Variants in SNTG2 observed in about 807,000 individuals in gnomAD.
SNTG2 encodes the protein syntrophin gamma 2.
In SNTG2, 74 loss-of-function variants were observed where a neutral mutation model predicts 70.9. The ratio of observed to expected loss-of-function variants is 1.04; its 90% CI spans 0.86 to 1.27. The LOEUF is 1.27. Ranked by LOEUF, SNTG2 falls within the 50% of genes most tolerant of loss-of-function variation. The probability of loss-of-function intolerance (pLI) is 0.00; values close to 1 mark genes in which losing one functional copy is unlikely to be tolerated. For missense variants in SNTG2, 717 were observed against 690.7 expected (o/e 1.04, Z -0.43); for synonymous variants, 278 against 273.8 (o/e 1.02, Z -0.15).
intron 15 of SNTG2, among the ~76,000 whole-genome samples, chr2:1,315,116 G>A (rs1572969308): frequency 6.6e-6 from 1 of 152,226 alleles, no homozygotes. Flanking sequence ...GTCTGTCCAG[G>A]TGGGTGTGGG....
chr2:1,033,414 A>C (rs1487486984), intron 1 of SNTG2, among the ~76,000 whole-genome samples: 1 of 152,214 alleles, frequency 6.6e-6, no homozygotes, highest in Non-Finnish European at 1.5e-5. Flanking sequence ...AACTCCACAA[A>C]TGCCTGTCCC....
intron 6 of SNTG2, among the ~76,000 whole-genome samples, chr2:1,145,420 AT>A (rs1386649772): frequency 1.3e-5 from 2 of 152,206 alleles, no homozygotes; most frequent in Non-Finnish European, 2.9e-5. Context: ...TCCTATGGAC[AT>A]GACATACACC....
intron 1 of SNTG2, among the ~76,000 whole-genome samples, chr2:1,010,929 A>T (rs1021162719): frequency 2.0e-5 from 3 of 152,218 alleles, no homozygotes; most frequent in African/African-American, 7.2e-5. Flanking sequence ...GAAAATAGAA[A>T]AGTGGAACTG....
rs1675142187 is a variant in SNTG2, at chr2:1,222,065, T to TTCTGTCTCTGTCTCTATCTCTGTC, written c.719+12838_719+12839insGTCTCTGTCTCTATCTCTGTCTCT. Among the ~76,000 whole-genome samples, 6 of 1,828 alleles carry TTCTGTCTCTGTCTCTATCTCTGTC rather than the reference T, an allele frequency of 3.3e-3. 2 individuals carry two copies. Among genetic ancestry groups the TTCTGTCTCTGTCTCTATCTCTGTC allele is most frequent in the African/African-American group, 7.2e-3 (4 of 556 alleles). 1.2% of individuals were successfully genotyped at this position (1,828 alleles called of 152,430 possible). ...TCTCTCTGTCTCTCTCTGTCTCTGT[T>TTCTGTCTCTGTCTCTATCTCTGTC]TCTCTCTGTCTCTGTCTCTGTCTCT... On this transcript the variant is annotated intron_variant, in intron 9 of 16. Coordinates refer to ENST00000308624, the MANE Select transcript of SNTG2 (RefSeq NM_018968.4).
chr2:1,114,450 A>G (rs1045201384), intron 4 of SNTG2, among the ~76,000 whole-genome samples: 7 of 151,908 alleles, frequency 4.6e-5, no homozygotes, highest in African/African-American at 1.7e-4. Context: ...TCCTTTAAGG[A>G]GGATCTTTTG....
chr2:1,312,089 T>C (rs545170913), intron 15 of SNTG2, among the ~76,000 whole-genome samples: 3 of 152,246 alleles, frequency 2.0e-5, no homozygotes, highest in South Asian at 4.1e-4. Context: ...ACTATCTATT[T>C]TCAATGTTGA....
chr2:1,081,462 G>A (rs1664291151), intron 1 of SNTG2, among the ~76,000 whole-genome samples: 1 of 152,238 alleles, frequency 6.6e-6, no homozygotes, highest in Non-Finnish European at 1.5e-5. Flanking sequence ...GAAATACTGA[G>A]GAGGGTCTTC....
At chr2:1,080,930 C>G (rs563805033) in intron 1 of SNTG2, among the ~76,000 whole-genome samples, 45 of 152,090 alleles carry the variant, frequency 3.0e-4, no homozygotes, top group Non-Finnish European at 5.9e-4. Flanking sequence ...GAATCATTAC[C>G]GAGAACGCTG....
intron 1 of SNTG2, among the ~76,000 whole-genome samples, chr2:1,028,425 A>G (rs1327577316): frequency 1.3e-5 from 2 of 152,258 alleles, no homozygotes; most frequent in Admixed American, 1.3e-4. Flanking sequence ...CTGATAGGGT[A>G]GCACCTGAAT....
intron 1 of SNTG2, among the ~76,000 whole-genome samples, chr2:1,076,456 G>A (rs965870075): frequency 1.2e-4 from 18 of 152,166 alleles, no homozygotes; most frequent in African/African-American, 3.9e-4. Flanking sequence ...TAAACAAGGG[G>A]CAATGCTTTA....
intron 1 of SNTG2, among the ~76,000 whole-genome samples, chr2:961,260 G>A (rs1459563593): frequency 6.6e-6 from 1 of 152,176 alleles, no homozygotes; most frequent in Non-Finnish European, 1.5e-5. Flanking sequence ...AGGCTGGAGT[G>A]CAGTGGCACG....
intron 11 of SNTG2, among the ~76,000 whole-genome samples, chr2:1,245,020 G>A (rs2148125945): frequency 1.3e-5 from 2 of 149,182 alleles, no homozygotes; most frequent in African/African-American, 4.9e-5. Flanking sequence ...CTATCGCAAG[G>A]ACAAAAAACC....
chr2:1,134,734 G>C (rs1404301675), intron 4 of SNTG2, among the ~76,000 whole-genome samples: 2 of 152,188 alleles, frequency 1.3e-5, no homozygotes, highest in Non-Finnish European at 2.9e-5. Context: ...GCACTCCTCA[G>C]CCATTGGGTG....
chr2:1,262,810 C>G (rs535419214), intron 13 of SNTG2: 2 of 151,238 alleles, frequency 1.3e-5, no homozygotes, highest in South Asian at 2.1e-4. Context: ...TCGGTCCAGA[C>G]GACGAAACCC....
At chr2:1,045,664 T>A (rs867559347) in intron 1 of SNTG2, among the ~76,000 whole-genome samples, 8 of 152,148 alleles carry the variant, frequency 5.3e-5, no homozygotes, top group Non-Finnish European at 1.0e-4. Flanking sequence ...GCAGATTTTT[T>A]AATTTCAGTG....
intron 1 of SNTG2, 88 bp downstream of exon 1, chr2:951,156 G>A (rs1318886429): frequency 1.7e-5 from 9 of 533,218 alleles, no homozygotes; most frequent in Admixed American, 9.8e-5. Flanking sequence ...CTCCCTCCAC[G>A]CCCCCTCGCT....
chr2:1,087,769 T>C (rs1408959472), intron 2 of SNTG2, among the ~76,000 whole-genome samples: 1 of 152,224 alleles, frequency 6.6e-6, no homozygotes, highest in Non-Finnish European at 1.5e-5. Flanking sequence ...GTGAAAATCA[T>C]TTTTAAAATG....
chr2:1,111,997 GT>G (rs1354774850), intron 4 of SNTG2, among the ~76,000 whole-genome samples: 244 of 151,016 alleles, frequency 1.6e-3, no homozygotes, highest in Non-Finnish European at 2.7e-3. Context: ...ACTAAGTGAG[GT>G]TTAACCCTTA....
chr2:1,316,122 A>G, intron 15 of SNTG2, 143 bp from the exon 16 acceptor site: 2 of 575,398 alleles, frequency 3.5e-6, no homozygotes, highest in Non-Finnish European at 6.2e-6. Flanking sequence ...GTAGAGACAG[A>G]CAAATCATCA....
Sources: allele counts gnomAD v4.1 joint callset (sites outside exome capture counted in the v4.1 genomes callset), GRCh38; gene constraint gnomAD v4.1.1; transcripts MANE v1.5; gene names NCBI Gene and HGNC (gene_info 2026-07-23, HGNC 2026-07-21).